Variants in LAMP1 observed in about 807,000 individuals in gnomAD.
LAMP1 encodes the protein lysosome-associated membrane glycoprotein 1.
A neutral mutation model predicts 37.5 loss-of-function variants in LAMP1; 7 were observed. That is an observed-to-expected ratio of 0.19 (90% CI 0.11 to 0.35). LAMP1 has a LOEUF of 0.35. Ranked by LOEUF, LAMP1 falls within the 10% of genes least tolerant of loss-of-function variation. LAMP1 has a pLI of 1.00. For missense variants in LAMP1, 537 were observed against 552.8 expected (o/e 0.97, Z 0.29); for synonymous variants, 236 against 229.1 (o/e 1.03, Z -0.27).
At chr13:113,307,103 T>G (rs1345515679) in intron 2 of LAMP1, among the ~76,000 whole-genome samples, 1 of 151,762 alleles carries the variant, frequency 6.6e-6, no homozygotes, top group African/African-American at 2.4e-5. Flanking sequence ...CCTCCCAAAG[T>G]GCTGGGATTA....
intron 3 of LAMP1, 73 bp downstream of exon 3, chr13:113,309,935 C>T (rs2042620854): frequency 2.4e-6 from 3 of 1,227,240 alleles, no homozygotes; most frequent in Non-Finnish European, 3.6e-6. Flanking sequence ...TTACTTTTAC[C>T]TAAGAAGTAC....
At chr13:113,301,567 G>T (rs2042571170) in intron 1 of LAMP1, among the ~76,000 whole-genome samples, 1 of 149,348 alleles carries the variant, frequency 6.7e-6, no homozygotes, top group African/African-American at 2.5e-5. Context: ...AGGTTGCAGT[G>T]AGCGAAGATC....
intron 5 of LAMP1, 38 bp downstream of exon 5, chr13:113,319,694 C>G (rs377759076): frequency 6.3e-7 from 1 of 1,583,762 alleles, no homozygotes; most frequent in Admixed American, 1.7e-5. Flanking sequence ...GGGGACGGCA[C>G]GGTAGGGCTG....
intron 2 of LAMP1, among the ~76,000 whole-genome samples, chr13:113,308,685 A>AT (rs1372244337): frequency 6.6e-6 from 1 of 152,036 alleles, no homozygotes; most frequent in East Asian, 1.9e-4. Context: ...TGGTGGTTGG[A>AT]TTTTTTAAAT....
Position 113,306,426 on chromosome 13 carries a change from T to C in LAMP1, c.62-59T>C, listed in dbSNP as rs1446684606. 6 of 1,567,966 alleles carry C rather than the reference T, an allele frequency of 3.8e-6. No homozygotes were observed. In the East Asian group the frequency reaches 1.4e-4, roughly 36 times the overall value. ...CTGCTACAGCTGTGGAAAATGGAAATACTCGGTCGTATTTTCTGGACAGTT... is the reference window on the plus strand; with the variant it reads ...CTGCTACAGCTGTGGAAAATGGAAACACTCGGTCGTATTTTCTGGACAGTT... On this transcript the variant is annotated intron_variant, in intron 1 of 8. Transcript: ENST00000332556.
intron 1 of LAMP1, chr13:113,305,827 C>G (rs900656833): frequency 3.3e-5 from 5 of 152,152 alleles, no homozygotes; most frequent in African/African-American, 1.2e-4. Context: ...CAAGGCACCA[C>G]GTCTTACAGA....
chr13:113,303,395 C>G (rs530508182), intron 1 of LAMP1, among the ~76,000 whole-genome samples: 12 of 152,330 alleles, frequency 7.9e-5, no homozygotes, highest in South Asian at 4.1e-4. Flanking sequence ...GAGTACAGGA[C>G]TGCCGGAGAT....
In LAMP1 at chr13:113,309,711, C is replaced by T. The variant is rs765628095; in HGVS notation, c.252C>T (p.Asn84=). 1 of 1,614,182 alleles carries T rather than the reference C, an allele frequency of 6.2e-7. No individual in the cohort carries two copies. Among genetic ancestry groups the T allele is most frequent in the Non-Finnish European group, 8.5e-7 (1 of 1,180,024 alleles). The part of the protein sequence containing the change: ...VLNRSSCGKE[N]TSDPSLVIAF... ...ACCGCAGCTCCTGTGGAAAAGAGAACACTTCTGACCCCAGTCTCGTGATTG... is the reference window on the plus strand; with the variant it reads ...ACCGCAGCTCCTGTGGAAAAGAGAATACTTCTGACCCCAGTCTCGTGATTG... The change falls in exon 3 of 9, where the codon AAC becomes AAT. Residue 84 remains asparagine, a synonymous_variant. Transcript: ENST00000332556.
At chr13:113,301,119 A>G (rs2139354994) in intron 1 of LAMP1, among the ~76,000 whole-genome samples, 1 of 152,312 alleles carries the variant, frequency 6.6e-6, no homozygotes, top group South Asian at 2.1e-4. Flanking sequence ...CTGAGTACAT[A>G]TATGAAGAAA....
chr13:113,309,897 G>A lies in LAMP1; in HGVS notation c.403+35G>A, dbSNP rs769046267. 3.3e-5 allele frequency: 51 copies of A among 1,542,042 alleles called. No homozygotes were observed. In the African/African-American group the frequency reaches 6.0e-4, roughly 18 times the overall value. The stretch of plus-strand genomic sequence containing the variant: ...AAAATGGGCCGATTATGAAGTGATA[G>A]AAAATTGGGTTGGAGGATTGTCTAA... On this transcript the variant is annotated intron_variant, in intron 3 of 8. Transcript: ENST00000332556.
intron 1 of LAMP1, among the ~76,000 whole-genome samples, chr13:113,302,599 AT>A (rs921731145): frequency 1.3e-4 from 20 of 151,276 alleles, no homozygotes; most frequent in East Asian, 7.7e-4. Context: ...AAAAAATTAA[AT>A]TTTTTTTTTA....
rs570855038 is a variant in LAMP1, at chr13:113,323,299, T to A, written c.*878T>A. ...TCTGTTGACATTCGGGGTGATCCTGTTCTGCGCTGTGTACAATGTGAGATC... is the reference window on the plus strand; with the variant it reads ...TCTGTTGACATTCGGGGTGATCCTGATCTGCGCTGTGTACAATGTGAGATC... On this transcript the variant is annotated 3_prime_UTR_variant, in exon 9 of 9. Transcript: ENST00000332556. 6.6e-6 allele frequency: 1 copy of A among 152,338 alleles called. No individual in the cohort carries two copies. Among genetic ancestry groups the A allele is most frequent in the Admixed American group, 6.5e-5 (1 of 15,302 alleles). 9.4% of individuals were successfully genotyped at this position (152,338 alleles called of 1,614,324 possible).
intron 5 of LAMP1, 83 bp downstream of exon 5, chr13:113,319,739 C>T (rs570143580): frequency 3.1e-6 from 4 of 1,281,782 alleles, no homozygotes; most frequent in East Asian, 4.7e-5. Context: ...GAACACGCGT[C>T]TCTGCACGTC....
chr13:113,319,382 T>C, intron 4 of LAMP1, 87 bp from the exon 5 acceptor site: 1 of 1,206,320 alleles, frequency 8.3e-7, no homozygotes, highest in Non-Finnish European at 1.2e-6. Context: ...TCCACAGATG[T>C]AGTTTTGTTT....
chr13:113,321,264 T>C lies in LAMP1; in HGVS notation c.877-140T>C. The C allele has an allele frequency of 1.3e-6, 1 of 757,472 alleles. No homozygotes were observed. The highest frequency in any genetic ancestry group is 1.6e-5 in the South Asian group (1 of 63,658). 46.9% of individuals were successfully genotyped at this position (757,472 alleles called of 1,614,324 possible). On this transcript the variant is annotated intron_variant, in intron 6 of 8. Coordinates refer to ENST00000332556, the MANE Select transcript of LAMP1 (RefSeq NM_005561.4). The surrounding 1 kb of genome is among the most constrained non-coding windows in gnomAD (Gnocchi z 5.6). ...TAGACAAGATCTTTTGCAGTTTTGT[T>C]CTAATACTAGAAATGTAGGAAGTCA...
chr13:113,316,962 C>A (rs770069337), intron 4 of LAMP1, among the ~76,000 whole-genome samples: 5 of 151,746 alleles, frequency 3.3e-5, no homozygotes, highest in Non-Finnish European at 7.4e-5. Flanking sequence ...AGGTCAGAGG[C>A]CTGACACACC....
chr13:113,311,523 A>G (rs143072074), intron 4 of LAMP1, among the ~76,000 whole-genome samples: 319 of 152,308 alleles, frequency 2.1e-3, no homozygotes, highest in African/African-American at 7.4e-3. Context: ...GCCTTCACAC[A>G]GAGACATAGT....
rs753998031 is a variant in LAMP1, at chr13:113,321,658, G to C, written c.1045G>C (p.Ala349Pro). The change falls in exon 8 of 9, where the codon GCG becomes CCG. Residue 349 changes from alanine (A) to proline (P), a missense_variant. By Grantham distance (27) the Ala-to-Pro change is conservative. Transcript: ENST00000332556. The surrounding 1 kb of genome is among the most constrained non-coding windows in gnomAD (Gnocchi z 5.6). ...GGAGGAGCACGTCCGTGTCACGAAGGCGTTTTCAGTCAATATATTCAAAGT... is the reference window on the plus strand; with the variant it reads ...GGAGGAGCACGTCCGTGTCACGAAGCCGTTTTCAGTCAATATATTCAAAGT... The part of the protein sequence containing the change: ...NAEEHVRVTK[A>P]FSVNIFKVWV... 3.7e-5 allele frequency: 60 copies of C among 1,614,140 alleles called. No individual in the cohort carries two copies. In the South Asian group the frequency reaches 6.3e-4, roughly 17 times the overall value.
rs1424280056 is a variant in LAMP1 at position 113,319,458 on chromosome 13, T to G, written c.563-11T>G. ...AACCCAGACCTGAATCTCCCTCCACTGCACCTGCAGAGACACGCTGTGAAC... is the reference window on the plus strand; with the variant it reads ...AACCCAGACCTGAATCTCCCTCCACGGCACCTGCAGAGACACGCTGTGAAC... On this transcript the variant is annotated splice_polypyrimidine_tract_variant and intron_variant, in intron 4 of 8. Transcript: ENST00000332556. The G allele has an allele frequency of 6.3e-7, 1 of 1,593,598 alleles. No homozygotes were observed. Among genetic ancestry groups the G allele is most frequent in the African/African-American group, 1.3e-5 (1 of 74,402 alleles).
Sources: allele counts gnomAD v4.1 joint callset (sites outside exome capture counted in the v4.1 genomes callset), GRCh38; gene constraint gnomAD v4.1.1; non-coding constraint Gnocchi (gnomAD v3.1); transcripts MANE v1.5; gene names NCBI Gene and HGNC (gene_info 2026-07-23, HGNC 2026-07-21).